NDUFA10: variants seen among roughly 807,000 people sequenced by gnomAD.
The protein encoded by NDUFA10 is NADH:ubiquinone oxidoreductase subunit A10, also known as NADH dehydrogenase [ubiquinone] 1 alpha subcomplex subunit 10, mitochondrial.
Under a neutral mutation model 47.8 loss-of-function variants are expected in NDUFA10, and 40 were observed. The ratio of observed to expected loss-of-function variants is 0.84; its 90% confidence interval spans 0.65 to 1.09. The LOEUF is 1.09. Among genes scored for constraint, NDUFA10 ranks in the 50% least tolerant of loss-of-function variants. The probability of loss-of-function intolerance (pLI) is 0.00; values close to 1 mark genes in which losing one functional copy is unlikely to be tolerated. For missense variants in NDUFA10, 413 were observed against 451.1 expected, an observed-to-expected ratio of 0.92 and a Z score of 0.76; for synonymous variants, 183 against 172.2, an observed-to-expected ratio of 1.06 and a Z score of -0.49.
Position 240,010,209 on chromosome 2 carries a change from A to T in NDUFA10, c.749+1408T>A, listed in dbSNP as rs185620315. On this transcript the variant is annotated intron_variant, in intron 6 of 9. Transcript: ENST00000252711. Reference sequence around the variant, plus strand: ...GGCTCCCATCAATCCATACGGCTTGAGCTGTCAGATAAGATCTACTTTAAC... The same window carrying T: ...GGCTCCCATCAATCCATACGGCTTGTGCTGTCAGATAAGATCTACTTTAAC... Among the ~76,000 whole-genome samples the T allele has an allele frequency of 2.6e-5, 4 of 152,354 alleles. No individual in the cohort carries two copies. In the East Asian group the frequency reaches 7.7e-4, roughly 29 times the overall value.
chr2:239,945,011 G>C lies in NDUFA10; in HGVS notation c.294+45063C>G, dbSNP rs1694423047. 8.3e-6 allele frequency among the ~76,000 whole-genome samples: 1 copy of C among 119,904 alleles called. No individual in the cohort carries two copies. The allele number at this position is 119,904 out of a possible 152,430, so 78.7% of individuals were successfully genotyped here. The stretch of plus-strand genomic sequence containing the variant: ...GGTGACTTCCCAGGGGGCCTGTGGA[G>C]GCTGCTTCTTTATTGCAAGGTGCCT... On this transcript the variant is annotated intron_variant, in intron 4 of 5. Transcript: ENST00000419408. The surrounding 1 kb of genome is among the most constrained non-coding windows in gnomAD (Gnocchi z 4.6).
At chr2:239,908,163 T>C (rs1240314445) in intron 4 of NDUFA10, among the ~76,000 whole-genome samples, 1 of 151,032 alleles carries the variant, frequency 6.6e-6, no homozygotes, top group Non-Finnish European at 1.5e-5. Flanking sequence ...AACCAAACAC[T>C]GCATGTTCTC....
chr2:239,952,228 G>C (rs1276828679), intron 4 of NDUFA10, among the ~76,000 whole-genome samples: 1 of 150,968 alleles, frequency 6.6e-6, no homozygotes, highest in African/African-American at 2.4e-5. Context: ...ACTGGGTGGT[G>C]AGGAGGGGGG....
At chr2:239,933,517 TTTTTG>T (rs60064950) in intron 4 of NDUFA10, among the ~76,000 whole-genome samples, 2 of 149,052 alleles carry the variant, frequency 1.3e-5, no homozygotes, top group East Asian at 2.0e-4. Flanking sequence ...TTTTTTTGTT[TTTTTG>T]TTTTGTTTTG....
chr2:240,000,784 G>A (rs992367589), intron 8 of NDUFA10, among the ~76,000 whole-genome samples: 2 of 152,162 alleles, frequency 1.3e-5, no homozygotes, highest in South Asian at 4.1e-4. Context: ...TGTTACAACT[G>A]CCAACAGTAT....
chr2:239,941,380 C>G (rs1694358709), intron 4 of NDUFA10, among the ~76,000 whole-genome samples: 1 of 152,132 alleles, frequency 6.6e-6, no homozygotes. Flanking sequence ...ACCGGGGGCA[C>G]AGAACTGCGG....
At chr2:240,003,914 C>A (rs931496119) in intron 8 of NDUFA10, among the ~76,000 whole-genome samples, 8 of 152,136 alleles carry the variant, frequency 5.3e-5, no homozygotes, top group African/African-American at 1.9e-4. Context: ...CAAGAGGCAG[C>A]CGAGGGATAT....
chr2:240,013,482 G>C (rs777967247), intron 5 of NDUFA10: 10 of 152,258 alleles, frequency 6.6e-5, no homozygotes, highest in Non-Finnish European at 1.2e-4. Context: ...AAGGTGTCCA[G>C]TTAGTCCACT....
chr2:239,925,561 A>C (rs4419258), intron 4 of NDUFA10, among the ~76,000 whole-genome samples: 71,897 of 152,086 alleles, frequency 0.47, 17,962 homozygotes, highest in African/African-American at 0.66. Context: ...GTAAAGTGTA[A>C]AACTACTAAA....
chr2:240,024,353 A>C lies in NDUFA10; in HGVS notation c.75+874T>G, dbSNP rs566226489. 1.6e-4 allele frequency among the ~76,000 whole-genome samples: 25 copies of C among 152,384 alleles called. No individual in the cohort carries two copies. In the South Asian group the frequency reaches 5.2e-3, roughly 32 times the overall value. ...TTACATAGATATTTCCAAGTATTCA[A>C]GGCGTCTGAAAAGGCAATATATTGT... On this transcript the variant is annotated intron_variant, in intron 1 of 9. Transcript: ENST00000252711.
chr2:239,926,358 C>T (rs918058985), intron 4 of NDUFA10, among the ~76,000 whole-genome samples: 12 of 152,134 alleles, frequency 7.9e-5, no homozygotes, highest in African/African-American at 2.9e-4. Context: ...ACCAAATATG[C>T]TACAGTGGTC....
At chr2:239,971,143 C>T (rs777066908) in intron 9 of NDUFA10, among the ~76,000 whole-genome samples, 4 of 152,238 alleles carry the variant, frequency 2.6e-5, no homozygotes, top group Non-Finnish European at 5.9e-5. Context: ...TTCTCAAATG[C>T]TACTTTGTAA....
chr2:240,005,620 G>A (rs1288846393), intron 7 of NDUFA10, among the ~76,000 whole-genome samples: 1 of 152,202 alleles, frequency 6.6e-6, no homozygotes, highest in African/African-American at 2.4e-5. Flanking sequence ...GCCTCCCAAA[G>A]TGCTGGGATT....
intron 6 of NDUFA10, among the ~76,000 whole-genome samples, chr2:240,010,146 C>A (rs1355476589): frequency 6.6e-6 from 1 of 152,210 alleles, no homozygotes; most frequent in East Asian, 1.9e-4. Flanking sequence ...ATCTGGTACT[C>A]ATTCTTCAAT....
At chr2:239,991,353 A>G (rs1018936363) in intron 8 of NDUFA10, among the ~76,000 whole-genome samples, 4 of 152,326 alleles carry the variant, frequency 2.6e-5, no homozygotes, top group Middle Eastern at 3.4e-3. Flanking sequence ...TGCTGCCAGG[A>G]TAACAATGAT....
chr2:239,931,884 G>C (rs1174747829), intron 4 of NDUFA10, among the ~76,000 whole-genome samples: 1 of 130,784 alleles, frequency 7.6e-6, no homozygotes, highest in African/African-American at 3.0e-5. Flanking sequence ...GGCCCAGGCT[G>C]GAGTGCAGTG....
At chr2:239,924,893 A>G (rs1030777909) in intron 4 of NDUFA10, among the ~76,000 whole-genome samples, 2 of 152,164 alleles carry the variant, frequency 1.3e-5, no homozygotes, top group Admixed American at 6.5e-5. Context: ...CGTAAAAATT[A>G]TTGTATTTCT....
At chr2:239,966,339 G>A (rs1695056576) in intron 9 of NDUFA10, among the ~76,000 whole-genome samples, 1 of 152,210 alleles carries the variant, frequency 6.6e-6, no homozygotes, top group Non-Finnish European at 1.5e-5. Flanking sequence ...GATGAGCAGG[G>A]TGGGCTTCCA....
intron 4 of NDUFA10, among the ~76,000 whole-genome samples, chr2:239,939,222 G>C (rs1367398671): frequency 6.6e-6 from 1 of 152,228 alleles, no homozygotes; most frequent in Non-Finnish European, 1.5e-5. Context: ...GGGTCTGTCG[G>C]GTTCCTGCCT....
Sources: gnomAD v4.1 joint callset for allele counts (sites outside exome capture counted in the v4.1 genomes callset) on GRCh38, gnomAD v4.1.1 for gene constraint, Gnocchi (gnomAD v3.1) non-coding constraint, MANE v1.5 for transcripts, NCBI Gene and HGNC (gene_info 2026-07-23, HGNC 2026-07-21) for gene names.